DCAF8: variants seen among roughly 807,000 people sequenced by gnomAD.
The protein encoded by DCAF8 is DDB1- and CUL4-associated factor 8.
In DCAF8, 20 loss-of-function variants were observed where a neutral mutation model predicts 68.0. That is an observed-to-expected ratio of 0.29 (90% CI 0.21 to 0.43). DCAF8 has a LOEUF of 0.43. Ranked by LOEUF, DCAF8 falls within the 20% of genes least tolerant of loss-of-function variation. The pLI is 1.00. For synonymous variants in DCAF8, 230 were observed against 276.9 expected, an observed-to-expected ratio of 0.83 and a Z score of 1.68; for missense variants, 460 against 771.0, an observed-to-expected ratio of 0.60 and a Z score of 4.78.
Position 160,216,225 on chromosome 1 carries a change from AAAG to A in DCAF8, c.*1364_*1366del, listed in dbSNP as rs1419875286. 3.3e-5 allele frequency: 5 copies of A among 152,132 alleles called. No individual in the cohort carries two copies. Among genetic ancestry groups the A allele is most frequent in the Non-Finnish European group, 5.9e-5 (4 of 68,040 alleles). 9.4% of individuals were successfully genotyped at this position (152,132 alleles called of 1,614,324 possible). ...GAAGTCTTTCCCTTCACTCTTCTAT[AAAG>A]AAGGGAACTGGCATGAAGTTGGATG... On this transcript the variant is annotated 3_prime_UTR_variant, in exon 14 of 14. Transcript: ENST00000368074.
chr1:160,260,631 C>G (rs1014254175), intron 2 of DCAF8, among the ~76,000 whole-genome samples: 4 of 152,114 alleles, frequency 2.6e-5, no homozygotes, highest in Admixed American at 2.0e-4. Flanking sequence ...TTTTTGGCAC[C>G]AACCCATGCT....
chr1:160,260,947 T>A (rs1657064517), intron 2 of DCAF8, among the ~76,000 whole-genome samples: 2 of 151,944 alleles, frequency 1.3e-5, no homozygotes, highest in Non-Finnish European at 2.9e-5. Context: ...CAAACTAAGT[T>A]CCAGTTTTTA....
At chr1:160,255,524 A>G (rs1311650500) in intron 2 of DCAF8, among the ~76,000 whole-genome samples, 3 of 152,248 alleles carry the variant, frequency 2.0e-5, no homozygotes, top group Non-Finnish European at 4.4e-5. Flanking sequence ...AACTATGAAT[A>G]AGGAACTTTG....
At chr1:160,230,112 G>GA (rs1557831972) in intron 7 of DCAF8, among the ~76,000 whole-genome samples, 1 of 152,142 alleles carries the variant, frequency 6.6e-6, no homozygotes, top group East Asian at 1.9e-4. Context: ...GAAGAAGAGA[G>GA]AAACAAGGTT....
At chr1:160,248,348 C>T (rs1439266720) in intron 2 of DCAF8, among the ~76,000 whole-genome samples, 1 of 151,690 alleles carries the variant, frequency 6.6e-6, no homozygotes, top group East Asian at 1.9e-4. Context: ...GATACTGTTA[C>T]AACAATGCAA....
At chr1:160,223,319 G>A (rs1655359095) in intron 10 of DCAF8, among the ~76,000 whole-genome samples, 1 of 152,252 alleles carries the variant, frequency 6.6e-6, no homozygotes, top group African/African-American at 2.4e-5. Flanking sequence ...GTACAATATT[G>A]GCCATGAGAC....
intron 6 of DCAF8, among the ~76,000 whole-genome samples, chr1:160,236,254 T>TCTCACACA (rs1553196343): frequency 3.6e-5 from 2 of 56,226 alleles, no homozygotes; most frequent in South Asian, 8.3e-4. Flanking sequence ...TGCTGAGGCA[T>TCTCACACA]CACACACAAA....
intron 11 of DCAF8, chr1:160,219,222 C>T (rs1033494259): frequency 1.8e-5 from 7 of 388,010 alleles, no homozygotes; most frequent in East Asian, 4.2e-5. Context: ...CCAGATATGG[C>T]CCTAGGGGTG....
At chr1:160,261,508 C>A (rs1044860955) in intron 1 of DCAF8, 150 bp from the exon 2 acceptor site, 1 of 152,096 alleles carries the variant, frequency 6.6e-6, no homozygotes, top group African/African-American at 2.4e-5. Context: ...AACAAATAAC[C>A]CACACACATA....
chr1:160,218,178 T>C, intron 13 of DCAF8, 146 bp downstream of exon 13: 1 of 700,730 alleles, frequency 1.4e-6, no homozygotes, highest in Non-Finnish European at 2.6e-6. Flanking sequence ...TCCAAGGCTA[T>C]ATCAGGGATC....
chr1:160,256,687 T>A, intron 2 of DCAF8, among the ~76,000 whole-genome samples: 1 of 152,210 alleles, frequency 6.6e-6, no homozygotes, highest in East Asian at 1.9e-4. Flanking sequence ...TAATCTAAAA[T>A]GTTTGCATTG....
chr1:160,237,311 G>T, intron 5 of DCAF8, 82 bp from the exon 6 acceptor site: 1 of 938,988 alleles, frequency 1.1e-6, no homozygotes, highest in Non-Finnish European at 1.6e-6. Context: ...ACTTTGGGAA[G>T]GGCTGCACTT....
In DCAF8 at chr1:160,262,458, C is replaced by G; in HGVS notation, c.-110G>C. 2.5e-6 allele frequency: 1 copy of G among 401,180 alleles called. No homozygotes were observed. Among genetic ancestry groups the G allele is most frequent in the Non-Finnish European group, 4.4e-6 (1 of 227,680 alleles). 24.9% of individuals were successfully genotyped at this position (401,180 alleles called of 1,614,324 possible). A position where few individuals can be genotyped will look rare whatever the true frequency, so the allele number is the denominator to read the frequency against. ...GCCGCCGCCATCTTACACTGGCCAG[C>G]GGCCGCCACCACCACCGCCTCCGCT... is the stretch of plus-strand genomic sequence containing the variant. On this transcript the variant is annotated 5_prime_UTR_variant, in exon 1 of 14. Transcript: ENST00000368074.
In DCAF8 at chr1:160,238,591, G is replaced by C. The variant is rs369152117; in HGVS notation, c.864+16C>G. 109 of 1,581,278 alleles carry C rather than the reference G, an allele frequency of 6.9e-5. No individual in the cohort carries two copies. In the African/African-American group the frequency reaches 1.2e-3, roughly 18 times the overall value. ...GGATTTGGATTGCACAAATTTTGGA[G>C]CAAGGTCTTACTTACCTTGTGGGAC... is the stretch of plus-strand genomic sequence containing the variant. On this transcript the variant is annotated intron_variant, in intron 5 of 13. Transcript: ENST00000368074.
In DCAF8 at chr1:160,239,766, C is replaced by T; in HGVS notation, c.654G>A (p.Val218=). ...GCTGCCGCCGTACCCAATCCCACACCACCACCTTCAGGTCATCGCTGCCAC... is the reference window on the plus strand; with the variant it reads ...GCTGCCGCCGTACCCAATCCCACACTACCACCTTCAGGTCATCGCTGCCAC... ...LASGSDDLKV[V]VWDWVRRQPV... The change falls in exon 4 of 14, where the codon GTG becomes GTA. Residue 218 remains valine (V), a synonymous_variant. Transcript: ENST00000368074. 1 of 1,614,258 alleles carries T rather than the reference C, an allele frequency of 6.2e-7. No homozygotes were observed. Among genetic ancestry groups the T allele is most frequent in the Middle Eastern group, 1.6e-4 (1 of 6,062 alleles).
Position 160,237,099 on chromosome 1 carries a change from G to C in DCAF8, c.959+36C>G, listed in dbSNP as rs560215418. On this transcript the variant is annotated intron_variant, in intron 6 of 13. Coordinates refer to ENST00000368074, the MANE Select transcript of DCAF8 (RefSeq NM_015726.4). Reference sequence around the variant, plus strand: ...ATATGGAATATGTTCAAGGCTAAGAGATACAGTTCTGTAATGATATTACTG... The same window carrying C: ...ATATGGAATATGTTCAAGGCTAAGACATACAGTTCTGTAATGATATTACTG... The C allele has an allele frequency of 4.2e-6, 6 of 1,418,512 alleles. No individual in the cohort carries two copies. In the East Asian group the frequency reaches 1.5e-4, roughly 35 times the overall value. 87.9% of individuals were successfully genotyped at this position (1,418,512 alleles called of 1,614,324 possible).
At chr1:160,250,781 T>G (rs909513001) in intron 2 of DCAF8, among the ~76,000 whole-genome samples, 1 of 152,192 alleles carries the variant, frequency 6.6e-6, no homozygotes, top group Admixed American at 6.5e-5. Context: ...TAACTAAGAA[T>G]AGCAGAAATT....
chr1:160,222,641 C>T lies in DCAF8; in HGVS notation c.1440+10G>A, dbSNP rs1290027623. 6.2e-7 allele frequency: 1 copy of T among 1,614,020 alleles called. No homozygotes were observed. The highest frequency in any genetic ancestry group is 8.5e-7 in the Non-Finnish European group (1 of 1,179,954). On this transcript the variant is annotated intron_variant, in intron 11 of 13. Coordinates refer to ENST00000368074, the MANE Select transcript of DCAF8 (RefSeq NM_015726.4). ...TTAGGGAGCCAGCCAGCTCAGCACA[C>T]CATACTCACCACGCCTCCCTTGTCC...
At chr1:160,240,994 C>T (rs888752444) in intron 3 of DCAF8, among the ~76,000 whole-genome samples, 2 of 152,088 alleles carry the variant, frequency 1.3e-5, no homozygotes, top group Non-Finnish European at 2.9e-5. Context: ...GAAACCCCGT[C>T]TCTACTAAAA....
Sources: allele counts gnomAD v4.1 joint callset (sites outside exome capture counted in the v4.1 genomes callset), GRCh38; gene constraint gnomAD v4.1.1; transcripts MANE v1.5; gene names NCBI Gene and HGNC (gene_info 2026-07-23, HGNC 2026-07-21).